NRAP: variants seen among roughly 807,000 people sequenced by gnomAD.
The protein encoded by NRAP is nebulin-related-anchoring protein.
NRAP carries 189 observed loss-of-function variants against 225.9 expected under a neutral mutation model. The ratio of observed to expected loss-of-function variants is 0.84; its 90% CI spans 0.74 to 0.94. The LOEUF is 0.94. Among genes scored for constraint, NRAP ranks in the 40% least tolerant of loss-of-function variants. The pLI, the probability that NRAP is intolerant of heterozygous loss-of-function variation, is 0.00. For missense variants in NRAP, 2,176 were observed against 2,168.7 expected, an observed-to-expected ratio of 1.00 and a Z score of -0.07; for synonymous variants, 769 against 790.7, an observed-to-expected ratio of 0.97 and a Z score of 0.46.
At chr10:113,622,217 C>T in intron 23 of NRAP, 37 bp from the exon 24 acceptor site, 5 of 1,434,834 alleles carry the variant, frequency 3.5e-6, no homozygotes, top group Non-Finnish European at 4.9e-6. Context: ...ACATTAGAAC[C>T]TCCTAAAGGA....
At chr10:113,651,322 C>G (rs1470442733) in intron 7 of NRAP, among the ~76,000 whole-genome samples, 1 of 152,124 alleles carries the variant, frequency 6.6e-6, no homozygotes, top group Non-Finnish European at 1.5e-5. Context: ...CCTCATTTCT[C>G]TCTCTTTTTT....
intron 3 of NRAP, among the ~76,000 whole-genome samples, chr10:113,658,900 G>T (rs1185785480): frequency 7.2e-6 from 1 of 139,028 alleles, no homozygotes; most frequent in Admixed American, 7.1e-5. Context: ...AAAAAAAAAA[G>T]AAAGAAAGAA....
At chr10:113,612,484 A>G in intron 29 of NRAP, 53 bp from the exon 30 acceptor site, 1 of 1,479,004 alleles carries the variant, frequency 6.8e-7, no homozygotes, top group Non-Finnish European at 9.4e-7. Context: ...TATTTGCAAC[A>G]GGACCATCAG....
chr10:113,625,764 A>G (rs1001711742), intron 21 of NRAP, among the ~76,000 whole-genome samples: 19 of 152,212 alleles, frequency 1.2e-4, no homozygotes, highest in African/African-American at 4.6e-4. Context: ...GATAGGAGTC[A>G]GAAGAAAAAA....
At chr10:113,652,635 T>TA (rs2134170886) in intron 6 of NRAP, among the ~76,000 whole-genome samples, 1 of 151,730 alleles carries the variant, frequency 6.6e-6, no homozygotes, top group East Asian at 1.9e-4. Context: ...AATAAATAAA[T>TA]AAAATAAAAA....
intron 35 of NRAP, among the ~76,000 whole-genome samples, chr10:113,603,553 T>C (rs576977543): frequency 2.0e-5 from 3 of 152,238 alleles, no homozygotes; most frequent in African/African-American, 7.2e-5. Flanking sequence ...TTTCGCAAGT[T>C]TAAAAGCAAA....
intron 28 of NRAP, 94 bp from the exon 29 acceptor site, chr10:113,614,390 T>C (rs1379515056): frequency 1.1e-6 from 1 of 883,558 alleles, no homozygotes; most frequent in Non-Finnish European, 1.9e-6. Context: ...TTTGTTCTTT[T>C]GACAGTAGCT....
intron 31 of NRAP, among the ~76,000 whole-genome samples, chr10:113,610,038 C>G (rs1245603403): frequency 6.6e-6 from 1 of 151,342 alleles, no homozygotes; most frequent in African/African-American, 2.4e-5. Context: ...TAACATCCAA[C>G]TGGCTTTAGT....
chr10:113,663,291 G>T, intron 2 of NRAP, 61 bp downstream of exon 2: 1 of 964,950 alleles, frequency 1.0e-6, no homozygotes, highest in Non-Finnish European at 1.7e-6. Context: ...ACGTTTAGTT[G>T]GCTCCTTGTT....
intron 21 of NRAP, among the ~76,000 whole-genome samples, chr10:113,625,163 A>C (rs368668371): frequency 6.6e-6 from 1 of 151,646 alleles, no homozygotes; most frequent in South Asian, 2.1e-4. Context: ...CAACCTGAAA[A>C]CCCCTCCAAG....
chr10:113,607,180 G>A lies in NRAP; in HGVS notation c.3703-898C>T, dbSNP rs1251173931. 1.3e-4 allele frequency among the ~76,000 whole-genome samples: 20 copies of A among 151,742 alleles called. No individual in the cohort carries two copies. In the South Asian group the frequency reaches 4.0e-3, roughly 30 times the overall value. On this transcript the variant is annotated intron_variant, in intron 32 of 41. Transcript: ENST00000359988. The stretch of plus-strand genomic sequence containing the variant: ...CGCGCCACTGCACTCCAGCCTGGGC[G>A]ACAGAGCGTGACTCTGTCTCAAACA...
chr10:113,597,161 G>A lies in NRAP; in HGVS notation c.4356C>T (p.Asp1452=), dbSNP rs769689103. The A allele has an allele frequency of 6.2e-7, 1 of 1,612,428 alleles. No individual in the cohort carries two copies. Among genetic ancestry groups the A allele is most frequent in the East Asian group, 2.2e-5 (1 of 44,870 alleles). The change falls in exon 37 of 42, where the codon GAC becomes GAT. Residue 1452 remains aspartate, a synonymous_variant. Transcript: ENST00000359988. ...CAACCACTGTGGTGAACTTGATACT[G>A]TCTGGTTTTTTACGGTACTTGGTCT... ...ISETKYRKKP[D]SIKFTTVVDS...
At chr10:113,632,825 A>G (rs1358454015) in intron 16 of NRAP, among the ~76,000 whole-genome samples, 1 of 152,204 alleles carries the variant, frequency 6.6e-6, no homozygotes. Flanking sequence ...GAGGATGAGC[A>G]TGTAGGGGGG....
intron 22 of NRAP, among the ~76,000 whole-genome samples, chr10:113,624,016 C>G (rs1052673093): frequency 1.6e-4 from 24 of 152,322 alleles, no homozygotes; most frequent in South Asian, 1.5e-3. Flanking sequence ...CCAGCTGCAC[C>G]TCTTTCTCTT....
chr10:113,603,357 G>A (rs1846725963), intron 35 of NRAP, among the ~76,000 whole-genome samples: 1 of 152,110 alleles, frequency 6.6e-6, no homozygotes, highest in South Asian at 2.1e-4. Context: ...CCTGCTCAGG[G>A]AAGGACCTCC....
chr10:113,635,853 C>T (rs1043463506), intron 14 of NRAP, among the ~76,000 whole-genome samples: 1 of 152,224 alleles, frequency 6.6e-6, no homozygotes, highest in Non-Finnish European at 1.5e-5. Context: ...CTTGCCCATC[C>T]ATTTATTTCT....
At chr10:113,610,417 G>T (rs748203227) in intron 31 of NRAP, 42 bp downstream of exon 31, 2 of 895,610 alleles carry the variant, frequency 2.2e-6, no homozygotes, top group South Asian at 2.7e-5. Flanking sequence ...ATCCTCTGCT[G>T]TGGAAATGTC....
chr10:113,632,814 TGAG>T (rs1435841021), intron 16 of NRAP, among the ~76,000 whole-genome samples: 1 of 152,236 alleles, frequency 6.6e-6, no homozygotes, highest in East Asian at 1.9e-4. Flanking sequence ...ACTAGGGTGA[TGAG>T]GATGAGCATG....
chr10:113,600,155 TTCTCTCTCTCTC>T (rs10529111), intron 35 of NRAP, among the ~76,000 whole-genome samples: 14 of 140,300 alleles, frequency 1.0e-4, no homozygotes, highest in Admixed American at 5.0e-4. Context: ...AGGGGTTATA[TTCTCTCTCTCTC>T]TCTCTCTCTC....
Sources: allele counts gnomAD v4.1 joint callset (sites outside exome capture counted in the v4.1 genomes callset), GRCh38; gene constraint gnomAD v4.1.1; transcripts MANE v1.5; gene names NCBI Gene and HGNC (gene_info 2026-07-23, HGNC 2026-07-21).